The following FAM174A variants were observed in gnomAD, a reference collection of about 807,000 sequenced individuals.
FAM174A encodes membrane protein FAM174A.
In FAM174A, 14 loss-of-function variants were observed where a neutral mutation model predicts 14.3. That is an observed-to-expected ratio of 0.98 (90% CI 0.65 to 1.53). FAM174A has a LOEUF of 1.53. Among genes scored for constraint, FAM174A ranks in the 40% most tolerant of loss-of-function variants. The pLI is 0.00. For synonymous variants in FAM174A, 108 were observed against 111.4 expected, an observed-to-expected ratio of 0.97 and a Z score of 0.19; for missense variants, 241 against 249.6, an observed-to-expected ratio of 0.97 and a Z score of 0.23.
Position 100,544,408 on chromosome 5 carries a change from GGAGAGA to G in FAM174A, c.434+8465_434+8470del, listed in dbSNP as rs144016021. Reference sequence around the variant, plus strand: ...TGCATCCTCAAACAGATGAGATCCTGGAGAGAGAGAGAGAGAGAGAGAGAGATCGAG... The same window carrying G: ...TGCATCCTCAAACAGATGAGATCCTGGAGAGAGAGAGAGAGAGAGATCGAG... On this transcript the variant is annotated intron_variant, in intron 1 of 2. Coordinates refer to ENST00000312637, the MANE Select transcript of FAM174A (RefSeq NM_198507.3). Among the ~76,000 whole-genome samples, 97 of 146,380 alleles carry G rather than the reference GGAGAGA, an allele frequency of 6.6e-4. 1 individual carries two copies. Among genetic ancestry groups the G allele is most frequent in the African/African-American group, 3.3e-4 (13 of 39,946 alleles).
chr5:100,575,400 T>C (rs1342073433), intron 2 of FAM174A, among the ~76,000 whole-genome samples: 1 of 152,034 alleles, frequency 6.6e-6, no homozygotes, highest in African/African-American at 2.4e-5. Context: ...ATCCCTCGTC[T>C]CTCCCCCCAC....
At chr5:100,558,421 T>A (rs764008466) in intron 1 of FAM174A, among the ~76,000 whole-genome samples, 8 of 152,204 alleles carry the variant, frequency 5.3e-5, no homozygotes, top group Non-Finnish European at 8.8e-5. Context: ...TCTGTTGATT[T>A]GGGGTGGAGA....
At chr5:100,576,916 A>G (rs1746916016) in intron 2 of FAM174A, among the ~76,000 whole-genome samples, 1 of 152,198 alleles carries the variant, frequency 6.6e-6, no homozygotes, top group Non-Finnish European at 1.5e-5. Flanking sequence ...CAGCTTTTCC[A>G]GAAAGAAAAA....
intron 2 of FAM174A, among the ~76,000 whole-genome samples, chr5:100,575,030 A>G (rs1746872689): frequency 6.6e-6 from 1 of 152,170 alleles, no homozygotes; most frequent in Admixed American, 6.5e-5. Context: ...TTTGTCTGCA[A>G]TATCCTGCAA....
chr5:100,568,427 C>G (rs1440414870), intron 2 of FAM174A, among the ~76,000 whole-genome samples: 1 of 151,746 alleles, frequency 6.6e-6, no homozygotes, highest in Non-Finnish European at 1.5e-5. Context: ...GTTTCTGGGC[C>G]TTTCAGCACA....
chr5:100,561,979 T>C, intron 1 of FAM174A, 75 bp from the exon 2 acceptor site: 1 of 832,940 alleles, frequency 1.2e-6, no homozygotes, highest in Non-Finnish European at 1.7e-6. Context: ...AACAGAATAA[T>C]AATTTATTTT....
chr5:100,539,122 A>G (rs1271016268), intron 1 of FAM174A, among the ~76,000 whole-genome samples: 2 of 152,094 alleles, frequency 1.3e-5, no homozygotes, highest in South Asian at 2.1e-4. Flanking sequence ...GTCTCTTCCA[A>G]TTTCAAGAAA....
At chr5:100,560,672 A>G (rs1396637905) in intron 1 of FAM174A, among the ~76,000 whole-genome samples, 3 of 152,044 alleles carry the variant, frequency 2.0e-5, no homozygotes. Context: ...CAGGAGCTTC[A>G]CTGTCATGTT....
At chr5:100,572,805 T>C (rs1746818637) in intron 2 of FAM174A, among the ~76,000 whole-genome samples, 3 of 152,204 alleles carry the variant, frequency 2.0e-5, no homozygotes, top group Admixed American at 2.0e-4. Context: ...TTTCCAGTTC[T>C]AGATCCCTGA....
At chr5:100,554,991 A>T (rs536600561) in intron 1 of FAM174A, among the ~76,000 whole-genome samples, 1 of 151,878 alleles carries the variant, frequency 6.6e-6, no homozygotes, top group African/African-American at 2.4e-5. Flanking sequence ...GGTTTGTTAC[A>T]TATGTATACA....
chr5:100,575,368 A>T lies in FAM174A; in HGVS notation c.570-10813A>T, dbSNP rs185533171. Among the ~76,000 whole-genome samples the T allele has an allele frequency of 8.4e-3, 1,272 of 152,182 alleles. 15 individuals carry two copies. The highest frequency in any genetic ancestry group is 0.029 in the African/African-American group (1,212 of 41,500). ...CTGCACCCATTAACTCATCATTTAC[A>T]TTAGGTATATCTCCTAATGCTATCC... is the stretch of plus-strand genomic sequence containing the variant. On this transcript the variant is annotated intron_variant, in intron 2 of 2. Transcript: ENST00000312637.
chr5:100,563,111 A>G (rs1023221062), intron 2 of FAM174A, among the ~76,000 whole-genome samples: 1 of 151,880 alleles, frequency 6.6e-6, no homozygotes, highest in Non-Finnish European at 1.5e-5. Flanking sequence ...AGCTGTTTAT[A>G]TATATGCACA....
chr5:100,575,065 AT>A (rs1468661308), intron 2 of FAM174A, among the ~76,000 whole-genome samples: 1 of 152,084 alleles, frequency 6.6e-6, no homozygotes, highest in Non-Finnish European at 1.5e-5. Flanking sequence ...TTTGTTTAAT[AT>A]TTATTTGATT....
At chr5:100,568,004 C>T (rs1210284541) in intron 2 of FAM174A, among the ~76,000 whole-genome samples, 1 of 151,938 alleles carries the variant, frequency 6.6e-6, no homozygotes, top group Non-Finnish European at 1.5e-5. Context: ...ACAATTCTTG[C>T]CTGATCTAAT....
At chr5:100,566,141 G>GATATATATAT (rs60895683) in intron 2 of FAM174A, among the ~76,000 whole-genome samples, 4,809 of 81,438 alleles carry the variant, frequency 0.059, 328 homozygotes, top group South Asian at 0.091. Flanking sequence ...TGAAAAGTAT[G>GATATATATAT]ATATATATAT....
intron 1 of FAM174A, among the ~76,000 whole-genome samples, chr5:100,557,807 A>G (rs541485512): frequency 4.0e-5 from 6 of 151,610 alleles, no homozygotes; most frequent in East Asian, 1.9e-4. Context: ...TTTTTATTGC[A>G]TCTGTTTGAT....
chr5:100,543,381 G>A (rs1746101605), intron 1 of FAM174A, among the ~76,000 whole-genome samples: 1 of 152,116 alleles, frequency 6.6e-6, no homozygotes, highest in Non-Finnish European at 1.5e-5. Flanking sequence ...GCCTCCTAAA[G>A]TGCTGGGATT....
chr5:100,577,262 T>C (rs1420574495), intron 2 of FAM174A, among the ~76,000 whole-genome samples: 3 of 152,092 alleles, frequency 2.0e-5, no homozygotes, highest in African/African-American at 4.8e-5. Flanking sequence ...AATTTTATAA[T>C]GATATAAACT....
At chr5:100,573,658 A>G (rs1400392258) in intron 2 of FAM174A, among the ~76,000 whole-genome samples, 4 of 150,486 alleles carry the variant, frequency 2.7e-5, no homozygotes, top group African/African-American at 1.0e-4. Context: ...GCCCAAGGTA[A>G]TTTACAGATT....
Sources: gnomAD v4.1 joint callset for allele counts (sites outside exome capture counted in the v4.1 genomes callset) on GRCh38, gnomAD v4.1.1 for gene constraint, MANE v1.5 for transcripts, NCBI Gene and HGNC (gene_info 2026-07-23, HGNC 2026-07-21) for gene names.